B3GALT1: variants seen among roughly 807,000 people sequenced by gnomAD.
B3GALT1 encodes UDP-Gal:betaGlcNAc beta 1,3-galactosyltransferase, polypeptide 1.
A neutral mutation model predicts 23.2 loss-of-function variants in B3GALT1; 10 were observed. The observed-to-expected ratio is 0.43, with a 90% CI of 0.27 to 0.73. The LOEUF (loss-of-function observed/expected upper bound fraction) is 0.73. B3GALT1 is among the 30% of genes least tolerant of loss of function. B3GALT1 has a pLI of 0.21. For missense variants in B3GALT1, 299 were observed against 405.4 expected (o/e 0.74, Z 2.25); for synonymous variants, 156 against 141.5 (o/e 1.10, Z -0.73).
chr2:167,541,034 A>T (rs1683525889), intron 2 of B3GALT1, among the ~76,000 whole-genome samples: 1 of 151,378 alleles, frequency 6.6e-6, no homozygotes, highest in Non-Finnish European at 1.5e-5. Flanking sequence ...GCCAAGTGGT[A>T]ACCTTTTTAT....
rs202167627 is a variant in B3GALT1, at chr2:167,415,957, T to TA, written c.-510-74211dup. The stretch of plus-strand genomic sequence containing the variant: ...AACCACTTACATTAAGCTGTGAGTT[T>TA]AAAAAAAAATGACTTAAAGATGGAA... On this transcript the variant is annotated intron_variant, in intron 1 of 4. Coordinates refer to ENST00000392690, the MANE Select transcript of B3GALT1 (RefSeq NM_020981.4). Among the ~76,000 whole-genome samples, 508 of 150,420 alleles carry TA rather than the reference T, an allele frequency of 3.4e-3. 4 individuals are homozygous for TA. Among genetic ancestry groups the TA allele is most frequent in the African/African-American group, 0.012 (481 of 40,984 alleles).
intron 3 of B3GALT1, among the ~76,000 whole-genome samples, chr2:167,729,504 G>C (rs902355654): frequency 1.3e-5 from 2 of 152,196 alleles, no homozygotes; most frequent in South Asian, 2.1e-4. Context: ...TAATAGCCTA[G>C]AATTATGTAT....
chr2:167,828,040 A>C (rs1689265863), intron 4 of B3GALT1, among the ~76,000 whole-genome samples: 1 of 152,206 alleles, frequency 6.6e-6, no homozygotes, highest in Non-Finnish European at 1.5e-5. Context: ...TTTATTTCCC[A>C]GTTGCCTCAA....
intron 3 of B3GALT1, among the ~76,000 whole-genome samples, chr2:167,745,842 CAATT>C (rs138541430): frequency 0.016 from 2,377 of 152,170 alleles, 54 homozygotes; most frequent in African/African-American, 0.052. Flanking sequence ...GGAAATTTTT[CAATT>C]AATTATTGAA....
Position 167,747,431 on chromosome 2 carries a change from C to G in B3GALT1, c.-351-71241C>G, listed in dbSNP as rs560830023. 9.9e-5 allele frequency among the ~76,000 whole-genome samples: 15 copies of G among 152,248 alleles called. No individual in the cohort carries two copies. The South Asian group carries it at 3.1e-3, about 32-fold the overall frequency. Reference sequence around the variant, plus strand: ...AATCATTCCAGCAGAATTAGGCTGACAGCAATTTTTAAGAAAAATTAGACA... The same window carrying G: ...AATCATTCCAGCAGAATTAGGCTGAGAGCAATTTTTAAGAAAAATTAGACA... On this transcript the variant is annotated intron_variant, in intron 3 of 4. Coordinates refer to ENST00000392690, the MANE Select transcript of B3GALT1 (RefSeq NM_020981.4).
At chr2:167,669,073 A>T (rs1267543536) in intron 3 of B3GALT1, among the ~76,000 whole-genome samples, 1 of 151,038 alleles carries the variant, frequency 6.6e-6, no homozygotes, top group African/African-American at 2.4e-5. Flanking sequence ...TCTTTCTCTT[A>T]TTTTTTCCGC....
intron 2 of B3GALT1, among the ~76,000 whole-genome samples, chr2:167,564,271 C>T (rs1342537507): frequency 1.9e-4 from 28 of 151,314 alleles, no homozygotes; most frequent in Admixed American, 2.6e-4. Flanking sequence ...GATGGGCGGC[C>T]GGGCAGAGAC....
chr2:167,829,518 A>G (rs1689299821), intron 4 of B3GALT1, among the ~76,000 whole-genome samples: 1 of 151,994 alleles, frequency 6.6e-6, no homozygotes, highest in Non-Finnish European at 1.5e-5. Context: ...AGAAAGAAAA[A>G]AAAATAGATA....
chr2:167,814,643 A>G (rs1304890774), intron 3 of B3GALT1: 1 of 152,160 alleles, frequency 6.6e-6, no homozygotes. Flanking sequence ...CTGTAGTCTC[A>G]CCTATTCGGG....
chr2:167,488,855 C>T (rs1699662013), intron 1 of B3GALT1, among the ~76,000 whole-genome samples: 1 of 151,702 alleles, frequency 6.6e-6, no homozygotes, highest in Non-Finnish European at 1.5e-5. Flanking sequence ...TTGTGTCAGG[C>T]TTGTTTCATG....
chr2:167,779,598 T>C (rs1187566313), intron 3 of B3GALT1, among the ~76,000 whole-genome samples: 1 of 152,214 alleles, frequency 6.6e-6, no homozygotes, highest in Non-Finnish European at 1.5e-5. Flanking sequence ...AGAATGACTG[T>C]TGAAATACAA....
At chr2:167,640,296 T>G (rs1410469704) in intron 2 of B3GALT1, among the ~76,000 whole-genome samples, 1 of 152,148 alleles carries the variant, frequency 6.6e-6, no homozygotes, top group Non-Finnish European at 1.5e-5. Context: ...TTGTTCACCT[T>G]AACAGTAGTC....
intron 1 of B3GALT1, among the ~76,000 whole-genome samples, chr2:167,428,966 A>G (rs1208649029): frequency 1.3e-5 from 2 of 152,138 alleles, no homozygotes; most frequent in Non-Finnish European, 2.9e-5. Flanking sequence ...TTACACAAAT[A>G]CAATACACTA....
At chr2:167,786,098 G>A (rs1688340536) in intron 3 of B3GALT1, among the ~76,000 whole-genome samples, 1 of 152,198 alleles carries the variant, frequency 6.6e-6, no homozygotes, top group Non-Finnish European at 1.5e-5. Context: ...TGGCAGGTCT[G>A]CCTCCTACCC....
At chr2:167,840,611 A>G (rs1292741564) in intron 4 of B3GALT1, among the ~76,000 whole-genome samples, 3 of 150,120 alleles carry the variant, frequency 2.0e-5, no homozygotes, top group Non-Finnish European at 4.4e-5. Context: ...TGTGGAAGTC[A>G]GTGTGGCGAT....
intron 1 of B3GALT1, among the ~76,000 whole-genome samples, chr2:167,390,919 C>T (rs76407142): frequency 0.032 from 4,894 of 152,268 alleles, 251 homozygotes; most frequent in African/African-American, 0.11. Flanking sequence ...TTTTTATTTA[C>T]TTTTAAATTA....
At chr2:167,802,477 G>A (rs1191684907) in intron 3 of B3GALT1, among the ~76,000 whole-genome samples, 5 of 152,130 alleles carry the variant, frequency 3.3e-5, no homozygotes, top group Non-Finnish European at 7.4e-5. Context: ...CAATACAGAG[G>A]TCTAGAGAAT....
chr2:167,655,441 T>C (rs188458144), intron 3 of B3GALT1, among the ~76,000 whole-genome samples: 23 of 152,304 alleles, frequency 1.5e-4, no homozygotes, highest in Admixed American at 1.5e-3. Context: ...CTAAATTTTA[T>C]CATGCAAATT....
chr2:167,320,121 T>A (rs1696785681), intron 1 of B3GALT1, among the ~76,000 whole-genome samples: 1 of 152,002 alleles, frequency 6.6e-6, no homozygotes, highest in East Asian at 1.9e-4. Flanking sequence ...CGAAGAATAC[T>A]GATATTATGA....
Sources: gnomAD v4.1 joint callset for allele counts (sites outside exome capture counted in the v4.1 genomes callset) on GRCh38, gnomAD v4.1.1 for gene constraint, MANE v1.5 for transcripts, NCBI Gene and HGNC (gene_info 2026-07-23, HGNC 2026-07-21) for gene names.